The following FREM1 variants were observed in gnomAD, a reference collection of about 807,000 sequenced individuals.
FREM1 encodes the protein FRAS1 related extracellular matrix 1.
FREM1 carries 220 observed loss-of-function variants against 210.1 expected under a neutral mutation model. The ratio of observed to expected loss-of-function variants is 1.05; its 90% CI spans 0.94 to 1.17. FREM1 has a LOEUF of 1.17. Among genes scored for constraint, FREM1 ranks in the 50% most tolerant of loss-of-function variants. FREM1 has a pLI of 0.00. For synonymous variants in FREM1, 1,189 were observed against 980.2 expected (o/e 1.21, Z -3.98); for missense variants, 3,454 against 2,675.5 (o/e 1.29, Z -6.42).
intron 5 of FREM1, among the ~76,000 whole-genome samples, chr9:14,853,678 T>C (rs1828172827): frequency 6.6e-6 from 1 of 152,048 alleles, no homozygotes; most frequent in Non-Finnish European, 1.5e-5. Context: ...GAAAAGAGAA[T>C]TGCAAGAGAG....
intron 5 of FREM1, among the ~76,000 whole-genome samples, chr9:14,857,288 C>T (rs151012812): frequency 5.3e-5 from 8 of 152,214 alleles, no homozygotes; most frequent in East Asian, 1.9e-4. Context: ...AAGGTTAGCA[C>T]GTAACTAGCC....
chr9:14,794,035 G>A (rs1356229996), intron 21 of FREM1, among the ~76,000 whole-genome samples: 2 of 152,198 alleles, frequency 1.3e-5, no homozygotes, highest in Non-Finnish European at 2.9e-5. Context: ...AAGATGAAGA[G>A]TTTGGTAGGA....
chr9:14,792,272 G>GCGCACACACA (rs1472365300), intron 22 of FREM1, among the ~76,000 whole-genome samples: 2 of 142,244 alleles, frequency 1.4e-5, no homozygotes, highest in African/African-American at 5.4e-5. Context: ...ACACACACAC[G>GCGCACACACA]CACACACACA....
At chr9:14,838,665 C>A (rs1388457939) in intron 10 of FREM1, among the ~76,000 whole-genome samples, 4 of 152,112 alleles carry the variant, frequency 2.6e-5, no homozygotes, top group Non-Finnish European at 4.4e-5. Flanking sequence ...GTTGAAAGAA[C>A]CAGAATTCAT....
intron 10 of FREM1, among the ~76,000 whole-genome samples, chr9:14,837,723 G>T (rs1026408971): frequency 1.3e-5 from 2 of 152,226 alleles, no homozygotes; most frequent in East Asian, 3.9e-4. Flanking sequence ...CACTGTAATT[G>T]GGGGGAAAAA....
intron 20 of FREM1, among the ~76,000 whole-genome samples, chr9:14,799,671 T>C (rs1853140336): frequency 6.6e-6 from 1 of 152,220 alleles, no homozygotes; most frequent in South Asian, 2.1e-4. Flanking sequence ...AAAAAAATTT[T>C]AAACAATGTA....
rs528445853 is a variant in FREM1, at chr9:14,868,771, G to A, written c.207C>T (p.Thr69=). The stretch of plus-strand genomic sequence containing the variant: ...GTGGAGTGAGTTTCCCAACCCTCTG[G>A]GTTATTGGCTCATTCATCACAACTT... ...KVEVVMNEPI[T]QRVGKLTPQV... The change falls in exon 2 of 37, where the codon ACC becomes ACT. Residue 69 remains threonine, a synonymous_variant. Transcript: ENST00000380880. 132 of 1,612,218 alleles carry A rather than the reference G, an allele frequency of 8.2e-5. 1 individual carries two copies. The South Asian group carries it at 1.3e-3, about 16-fold the overall frequency.
chr9:14,770,040 G>C (rs953893172), intron 26 of FREM1, among the ~76,000 whole-genome samples, 172 bp from the exon 27 acceptor site: 1 of 152,118 alleles, frequency 6.6e-6, no homozygotes, highest in Non-Finnish European at 1.5e-5. Flanking sequence ...AATGCAGCGA[G>C]CTTAAATTAG....
intron 14 of FREM1, among the ~76,000 whole-genome samples, chr9:14,817,914 A>G (rs1475079910): frequency 6.6e-6 from 1 of 152,110 alleles, no homozygotes; most frequent in Admixed American, 6.6e-5. Flanking sequence ...ATTCTTTTTT[A>G]CTAATTCTAT....
chr9:14,827,703 T>C (rs1387135996), intron 10 of FREM1, among the ~76,000 whole-genome samples: 1 of 152,128 alleles, frequency 6.6e-6, no homozygotes, highest in Admixed American at 6.5e-5. Flanking sequence ...CTGAAGGTAT[T>C]TTAGACATCA....
chr9:14,792,495 C>T (rs1417586310), intron 22 of FREM1, among the ~76,000 whole-genome samples: 2 of 152,078 alleles, frequency 1.3e-5, no homozygotes, highest in Non-Finnish European at 2.9e-5. Flanking sequence ...TAATTCCCTC[C>T]CTCAGAATTT....
intron 15 of FREM1, among the ~76,000 whole-genome samples, chr9:14,815,047 A>G (rs537954744): frequency 6.6e-6 from 1 of 152,256 alleles, no homozygotes; most frequent in South Asian, 2.1e-4. Context: ...CTGCAATAAC[A>G]TACTGCTCTT....
chr9:14,838,069 G>A (rs1289338005), intron 10 of FREM1, among the ~76,000 whole-genome samples: 4 of 152,228 alleles, frequency 2.6e-5, no homozygotes, highest in Non-Finnish European at 5.9e-5. Flanking sequence ...TGGCTGAGCT[G>A]AAGTTCTAGC....
intron 19 of FREM1, among the ~76,000 whole-genome samples, chr9:14,804,556 G>A (rs776580200): frequency 6.6e-6 from 1 of 152,194 alleles, no homozygotes; most frequent in East Asian, 1.9e-4. Flanking sequence ...CTGCACTCCA[G>A]CCTGGGCGAC....
rs532185296 is a variant in FREM1, at chr9:14,862,671, A to G, written c.329+1138T>C. On this transcript the variant is annotated intron_variant, in intron 3 of 36. Coordinates refer to ENST00000380880, the MANE Select transcript of FREM1 (RefSeq NM_001379081.2). ...CTTCCCCAGCCTCTGGCAACCACTA[A>G]TCTACTCTCCGTCTCTGTGAATTTG... Among the ~76,000 whole-genome samples the G allele has an allele frequency of 1.2e-4, 19 of 152,230 alleles. No homozygotes were observed. In the East Asian group the frequency reaches 3.3e-3, roughly 26 times the overall value.
intron 3 of FREM1, among the ~76,000 whole-genome samples, chr9:14,861,539 C>T (rs1316128213): frequency 5.8e-5 from 8 of 136,894 alleles, no homozygotes; most frequent in South Asian, 2.3e-4. Context: ...CAGAGTCTCA[C>T]TCTGTTGCCC....
chr9:14,841,804 A>T (rs948132007), intron 9 of FREM1, among the ~76,000 whole-genome samples: 25 of 152,236 alleles, frequency 1.6e-4, no homozygotes, highest in Non-Finnish European at 2.6e-4. Context: ...CTGTCTTGAT[A>T]TATGGAAAAA....
rs372755249 is a variant in FREM1 at position 14,740,259 on chromosome 9, A to C, written c.6255-25T>G. 11 of 1,513,482 alleles carry C rather than the reference A, an allele frequency of 7.3e-6. No homozygotes were observed. The South Asian group carries it at 1.2e-4, about 17-fold the overall frequency. The allele number at this position is 1,513,482 out of a possible 1,614,324, so 93.8% of individuals were successfully genotyped here. Reference sequence around the variant, plus strand: ...TCTAAATGCAAATGAAAATGAGAGTATCAGCAACAAGCAGTTAACATTTCT... The same window carrying C: ...TCTAAATGCAAATGAAAATGAGAGTCTCAGCAACAAGCAGTTAACATTTCT... On this transcript the variant is annotated intron_variant, in intron 35 of 36. Transcript: ENST00000380880.
intron 35 of FREM1, among the ~76,000 whole-genome samples, chr9:14,740,531 C>T (rs1841384097): frequency 6.6e-6 from 1 of 152,074 alleles, no homozygotes; most frequent in East Asian, 1.9e-4. Context: ...TCAGCAACTG[C>T]CTACTTATAA....
Sources: allele counts gnomAD v4.1 joint callset (sites outside exome capture counted in the v4.1 genomes callset), GRCh38; gene constraint gnomAD v4.1.1; transcripts MANE v1.5; gene names NCBI Gene and HGNC (gene_info 2026-07-23, HGNC 2026-07-21).